PCDH7: variants seen among roughly 807,000 people sequenced by gnomAD.
PCDH7 encodes protocadherin 7.
A neutral mutation model predicts 58.9 loss-of-function variants in PCDH7; 17 were observed. The ratio of observed to expected loss-of-function variants is 0.29; its 90% CI spans 0.20 to 0.43. The LOEUF (loss-of-function observed/expected upper bound fraction) is 0.43. Among genes scored for constraint, PCDH7 ranks in the 20% least tolerant of loss-of-function variants. The pLI, the probability that PCDH7 is intolerant of heterozygous loss-of-function variation, is 1.00. For synonymous variants in PCDH7, 664 were observed against 616.4 expected (o/e 1.08, Z -1.14); for missense variants, 1,274 against 1,441.0 (o/e 0.88, Z 1.88).
At chr4:31,104,012 C>T (rs1466276521) in intron 3 of PCDH7, among the ~76,000 whole-genome samples, 1 of 152,180 alleles carries the variant, frequency 6.6e-6, no homozygotes, top group African/African-American at 2.4e-5. Context: ...GCTCGCTGTA[C>T]CCCCACTCCA....
At chr4:30,853,317 G>A (rs1733024615) in intron 1 of PCDH7, among the ~76,000 whole-genome samples, 2 of 152,110 alleles carry the variant, frequency 1.3e-5, no homozygotes, top group South Asian at 4.1e-4. Context: ...GGAATCAAAT[G>A]TCTAGGAGAG....
intron 1 of PCDH7, among the ~76,000 whole-genome samples, chr4:30,882,758 T>C (rs571512164): frequency 6.6e-6 from 1 of 152,354 alleles, no homozygotes; most frequent in African/African-American, 2.4e-5. Flanking sequence ...CTTAGGGAAG[T>C]CACTGCCTTA....
chr4:31,000,946 C>T lies in PCDH7; in HGVS notation c.*7+50731C>T, dbSNP rs150518114. On this transcript the variant is annotated intron_variant, in intron 3 of 3. Transcript: ENST00000509759. ...GAGTCTATGTGTACACACCAATACA[C>T]CCTGTTATATAGATGGTGAAGCATC... Among the ~76,000 whole-genome samples the T allele has an allele frequency of 7.1e-3, 1,084 of 152,076 alleles. 9 individuals carry two copies. The highest frequency in any genetic ancestry group is 0.012 in the Non-Finnish European group (794 of 67,934).
intron 3 of PCDH7, among the ~76,000 whole-genome samples, chr4:30,966,210 A>C (rs1169998859): frequency 1.3e-5 from 2 of 152,208 alleles, no homozygotes; most frequent in Non-Finnish European, 2.9e-5. Context: ...TCCAATCAGC[A>C]TATATTATTG....
rs200542636 is a variant in PCDH7, at chr4:31,117,134, G to A, written c.*8-25339G>A. ...TGACCTCAAGTGATCCACCTGCCCC[G>A]ACCTTCCAAAGTGCTGGCATTACAG... On this transcript the variant is annotated intron_variant, in intron 3 of 3. Coordinates refer to the PCDH7 transcript ENST00000509759. 9.2e-5 allele frequency among the ~76,000 whole-genome samples: 14 copies of A among 152,190 alleles called. No homozygotes were observed. The East Asian group carries it at 2.5e-3, about 27-fold the overall frequency.
intron 2 of PCDH7, among the ~76,000 whole-genome samples, chr4:30,933,864 T>C (rs1052087040): frequency 2.0e-5 from 3 of 152,234 alleles, no homozygotes; most frequent in Non-Finnish European, 2.9e-5. Context: ...TTTAATTATA[T>C]GAATACTCGA....
At chr4:30,753,622 A>G (rs1718865238) in intron 1 of PCDH7, among the ~76,000 whole-genome samples, 1 of 152,192 alleles carries the variant, frequency 6.6e-6, no homozygotes, top group Admixed American at 6.5e-5. Flanking sequence ...CTTCCATGGC[A>G]AAGACATGTT....
intron 1 of PCDH7, among the ~76,000 whole-genome samples, chr4:30,753,114 C>T (rs1015906136): frequency 6.6e-6 from 1 of 151,962 alleles, no homozygotes; most frequent in Non-Finnish European, 1.5e-5. Context: ...GATAAAATAC[C>T]ATAAATGTCA....
chr4:30,968,375 A>AATAT (rs1560541525), intron 3 of PCDH7, among the ~76,000 whole-genome samples: 2 of 71,752 alleles, frequency 2.8e-5, no homozygotes. Context: ...ATATACACAC[A>AATAT]CTATATATAT....
At chr4:30,810,507 T>G (rs994511794) in intron 1 of PCDH7, among the ~76,000 whole-genome samples, 1 of 151,992 alleles carries the variant, frequency 6.6e-6, no homozygotes, top group Non-Finnish European at 1.5e-5. Context: ...GTAAATAAAA[T>G]TATAATGAAT....
At chr4:31,066,407 T>C (rs1758099280) in intron 3 of PCDH7, among the ~76,000 whole-genome samples, 1 of 151,902 alleles carries the variant, frequency 6.6e-6, no homozygotes, top group African/African-American at 2.4e-5. Flanking sequence ...CTATCTTTTT[T>C]CTGCCCAAAC....
intron 3 of PCDH7, chr4:30,950,364 G>A (rs1359025839): frequency 1.3e-5 from 2 of 152,398 alleles, no homozygotes; most frequent in South Asian, 2.1e-4. Context: ...ATGTTTCACC[G>A]TGTTATGTAT....
chr4:30,946,480 C>T (rs1458545493), intron 2 of PCDH7, among the ~76,000 whole-genome samples: 1 of 152,046 alleles, frequency 6.6e-6, no homozygotes, highest in African/African-American at 2.4e-5. Context: ...ACCCACCTCC[C>T]TCCCACCACA....
intron 1 of PCDH7, among the ~76,000 whole-genome samples, chr4:30,894,439 G>A (rs1306081634): frequency 8.2e-6 from 1 of 122,318 alleles, no homozygotes; most frequent in Non-Finnish European, 1.6e-5. Context: ...CCAAGGCCCT[G>A]GTCTGGAGAC....
chr4:31,065,020 A>T (rs889148352), intron 3 of PCDH7, among the ~76,000 whole-genome samples: 11 of 151,948 alleles, frequency 7.2e-5, no homozygotes, highest in Non-Finnish European at 1.2e-4. Context: ...TCAGTAAAAA[A>T]GTTAAAGAGT....
At chr4:31,070,205 C>A (rs796166797) in intron 3 of PCDH7, among the ~76,000 whole-genome samples, 5 of 152,002 alleles carry the variant, frequency 3.3e-5, no homozygotes, top group African/African-American at 1.2e-4. Context: ...ATATTTCCAC[C>A]TTAGATATTC....
At chr4:31,109,892 T>C (rs1716064763) in intron 3 of PCDH7, among the ~76,000 whole-genome samples, 1 of 152,242 alleles carries the variant, frequency 6.6e-6, no homozygotes. Context: ...GCAGACGCTG[T>C]TACAATCTAA....
intron 3 of PCDH7, among the ~76,000 whole-genome samples, chr4:31,033,651 A>G (rs1345071352): frequency 1.3e-5 from 2 of 152,178 alleles, no homozygotes; most frequent in Non-Finnish European, 2.9e-5. Context: ...CAGTTTAATC[A>G]TTACAGGCAT....
At chr4:30,854,609 G>A (rs918979416) in intron 1 of PCDH7, among the ~76,000 whole-genome samples, 3 of 152,050 alleles carry the variant, frequency 2.0e-5, no homozygotes, top group East Asian at 1.9e-4. Context: ...GAAAGTCCTC[G>A]AGGGATGGTC....
Sources: allele counts gnomAD v4.1 joint callset (sites outside exome capture counted in the v4.1 genomes callset), GRCh38; gene constraint gnomAD v4.1.1; transcripts MANE v1.5; gene names NCBI Gene and HGNC (gene_info 2026-07-23, HGNC 2026-07-21).